The following EIF4G3 variants were observed in gnomAD, a reference collection of about 807,000 sequenced individuals.
The protein encoded by EIF4G3 is eukaryotic translation initiation factor 4 gamma 3.
Under a neutral mutation model 186.4 loss-of-function variants are expected in EIF4G3, and 34 were observed. That is an observed-to-expected ratio of 0.18 (90% CI 0.14 to 0.24). The LOEUF (loss-of-function observed/expected upper bound fraction) is 0.24, where lower values mean the gene tolerates loss of function less well. Ranked by LOEUF, EIF4G3 falls within the 10% of genes least tolerant of loss-of-function variation. The probability of loss-of-function intolerance (pLI) is 1.00; values close to 1 mark genes in which losing one functional copy is unlikely to be tolerated. For missense variants in EIF4G3, 1,536 were observed against 1,948.5 expected (o/e 0.79, Z 3.99); for synonymous variants, 673 against 679.5 (o/e 0.99, Z 0.15).
At chr1:21,041,111 T>A (rs556514329) in intron 4 of EIF4G3, among the ~76,000 whole-genome samples, 58 of 152,254 alleles carry the variant, frequency 3.8e-4, no homozygotes, top group African/African-American at 1.4e-3. Flanking sequence ...GACTACATTT[T>A]AATTTTAACA....
chr1:20,904,378 C>CTG (rs756746408), intron 15 of EIF4G3, among the ~76,000 whole-genome samples: 10 of 152,176 alleles, frequency 6.6e-5, no homozygotes, highest in Non-Finnish European at 1.0e-4. Context: ...TAATGTTTCA[C>CTG]TGTGTTGCCC....
intron 3 of EIF4G3, among the ~76,000 whole-genome samples, chr1:21,067,683 T>A (rs2095295713): frequency 6.6e-6 from 1 of 152,168 alleles, no homozygotes; most frequent in Non-Finnish European, 1.5e-5. Context: ...TACCTCTCCA[T>A]TTAATACACC....
chr1:20,951,592 A>G (rs2096222161), intron 12 of EIF4G3, among the ~76,000 whole-genome samples: 1 of 152,204 alleles, frequency 6.6e-6, no homozygotes, highest in Non-Finnish European at 1.5e-5. Context: ...ATAGGCTGAA[A>G]AGAGATCTGG....
rs68098768 is a variant in EIF4G3 at position 20,913,800 on chromosome 1, ATTTTTTTTTTTTT to A, written c.1664-8842_1664-8830del. On this transcript the variant is annotated intron_variant, in intron 14 of 36. Transcript: ENST00000602326. ...ATGAAAGTTGAGGTCAATTATTAGA[ATTTTTTTTTTTTT>A]TTTTTTTTTTTGAGACGGAGTCTTG... Among the ~76,000 whole-genome samples the A allele has an allele frequency of 2.2e-3, 168 of 75,702 alleles. 4 individuals are homozygous for A. The highest frequency in any genetic ancestry group is 8.3e-4 in the Non-Finnish European group (34 of 40,812). 49.7% of individuals were successfully genotyped at this position (75,702 alleles called of 152,430 possible). A position where few individuals can be genotyped will look rare whatever the true frequency, so the allele number is the denominator to read the frequency against.
intron 23 of EIF4G3, among the ~76,000 whole-genome samples, chr1:20,861,709 CA>C (rs1446571178): frequency 6.6e-6 from 1 of 152,192 alleles, no homozygotes; most frequent in Non-Finnish European, 1.5e-5. Context: ...CGTGGTGGCT[CA>C]CGCCTGTAAT....
chr1:20,968,127 T>C (rs1343378495), intron 12 of EIF4G3, among the ~76,000 whole-genome samples: 1 of 152,186 alleles, frequency 6.6e-6, no homozygotes, highest in African/African-American at 2.4e-5. Flanking sequence ...CGTGTCTCTA[T>C]ATCATTTATC....
intron 2 of EIF4G3, among the ~76,000 whole-genome samples, chr1:21,090,804 T>C (rs2096171218): frequency 6.6e-6 from 1 of 152,200 alleles, no homozygotes; most frequent in Non-Finnish European, 1.5e-5. Flanking sequence ...CAAGTTATCA[T>C]TTCCTCATTG....
At chr1:20,825,638 C>CA (rs895360387) in intron 32 of EIF4G3, among the ~76,000 whole-genome samples, 1 of 152,040 alleles carries the variant, frequency 6.6e-6, no homozygotes, top group African/African-American at 2.4e-5. Context: ...TTATAAACAT[C>CA]AAAAAAAGTC....
intron 7 of EIF4G3, among the ~76,000 whole-genome samples, chr1:20,993,199 G>A (rs995058211): frequency 6.6e-6 from 1 of 152,074 alleles, no homozygotes; most frequent in East Asian, 1.9e-4. Flanking sequence ...ATCCTAACTG[G>A]AGCATGGCGC....
intron 7 of EIF4G3, among the ~76,000 whole-genome samples, chr1:20,986,205 A>C (rs761329085): frequency 2.0e-5 from 3 of 152,126 alleles, no homozygotes; most frequent in African/African-American, 7.2e-5. Flanking sequence ...GGCACTCACT[A>C]AAAAAATATT....
intron 3 of EIF4G3, among the ~76,000 whole-genome samples, chr1:21,066,727 C>T (rs2095256346): frequency 6.6e-6 from 1 of 152,208 alleles, no homozygotes; most frequent in African/African-American, 2.4e-5. Flanking sequence ...ACAACAACTT[C>T]ATGGCAATAA....
intron 20 of EIF4G3, among the ~76,000 whole-genome samples, chr1:20,867,112 A>T (rs918550327): frequency 1.3e-5 from 2 of 152,218 alleles, no homozygotes; most frequent in Admixed American, 6.5e-5. Context: ...TACTTGCTAT[A>T]TAAACAAAGG....
chr1:20,892,558 G>GTA, intron 18 of EIF4G3: 1 of 1,175,286 alleles, frequency 8.5e-7, no homozygotes, highest in Admixed American at 2.0e-5. Flanking sequence ...TAAAAAGAGC[G>GTA]TAACAGAAAA....
At chr1:21,170,043 T>C (rs959180892) in intron 2 of EIF4G3, among the ~76,000 whole-genome samples, 5 of 152,092 alleles carry the variant, frequency 3.3e-5, no homozygotes, top group Non-Finnish European at 7.4e-5. Context: ...GGCGTGGTGG[T>C]GCACGCCTGT....
At chr1:20,980,598 A>C (rs1299960558) in intron 9 of EIF4G3, 150 bp from the exon 10 acceptor site, 1 of 576,828 alleles carries the variant, frequency 1.7e-6, no homozygotes, top group Non-Finnish European at 2.9e-6. Context: ...TGGGTCAAAC[A>C]CATTAAAAAT....
intron 4 of EIF4G3, among the ~76,000 whole-genome samples, chr1:21,044,791 G>A (rs1337858348): frequency 6.6e-6 from 1 of 151,962 alleles, no homozygotes; most frequent in Non-Finnish European, 1.5e-5. Flanking sequence ...GGGACTACAA[G>A]TGTGTGCCAT....
At chr1:20,841,116 C>T (rs2068429738) in intron 29 of EIF4G3, 88 bp from the exon 30 acceptor site, 2 of 1,357,604 alleles carry the variant, frequency 1.5e-6, no homozygotes, top group South Asian at 1.4e-5. Context: ...TTACTTACAA[C>T]AGAATCAGTA....
intron 29 of EIF4G3, chr1:20,847,764 T>C (rs1358080198): frequency 6.4e-6 from 3 of 471,286 alleles, no homozygotes; most frequent in Admixed American, 2.4e-5. Flanking sequence ...TTAATGTTCA[T>C]TTACTTTGGT....
chr1:21,173,552 G>C (rs1420933769), intron 2 of EIF4G3, among the ~76,000 whole-genome samples: 1 of 151,992 alleles, frequency 6.6e-6, no homozygotes, highest in Non-Finnish European at 1.5e-5. Context: ...CCTGGACCTG[G>C]TGGCACACGC....
Sources: gnomAD v4.1 joint callset for allele counts (sites outside exome capture counted in the v4.1 genomes callset) on GRCh38, gnomAD v4.1.1 for gene constraint, MANE v1.5 for transcripts, NCBI Gene and HGNC (gene_info 2026-07-23, HGNC 2026-07-21) for gene names.